GCC2: variants seen among roughly 807,000 people sequenced by gnomAD.
GCC2 encodes the protein GRIP and coiled-coil domain-containing protein 2.
GCC2 carries 120 observed loss-of-function variants against 210.6 expected under a neutral mutation model. The ratio of observed to expected loss-of-function variants is 0.57; its 90% confidence interval spans 0.49 to 0.66. The LOEUF (loss-of-function observed/expected upper bound fraction) is 0.66. Ranked by LOEUF, GCC2 falls within the 30% of genes least tolerant of loss-of-function variation. GCC2 has a pLI of 0.00. For missense variants in GCC2, 1,868 were observed against 1,871.9 expected (o/e 1.00, Z 0.04); for synonymous variants, 703 against 652.7 (o/e 1.08, Z -1.17).
intron 17 of GCC2, 139 bp downstream of exon 17, chr2:108,487,959 T>G: frequency 1.2e-6 from 1 of 803,390 alleles, no homozygotes; most frequent in East Asian, 3.2e-5. Context: ...CAGGCTGGAG[T>G]GCAGTGGTGC....
intron 17 of GCC2, among the ~76,000 whole-genome samples, chr2:108,488,321 A>C (rs1682245644): frequency 6.6e-6 from 1 of 152,194 alleles, no homozygotes; most frequent in African/African-American, 2.4e-5. Context: ...CATTACAAAG[A>C]ACACTGTTGC....
At position 108,482,358 on chromosome 2, in the gene GCC2, ATTAGAAGTACAGATT is replaced by A; in HGVS notation, c.3261_3275del (p.Ile1089_Gln1093del). ...AGACATTACAGTCTAATGCCAAATTATTAGAAGTACAGATTTTAGAAGTCCAGAGAGCCAAAGCAA... is the reference window on the plus strand; with the variant it reads ...AGACATTACAGTCTAATGCCAAATTATTAGAAGTCCAGAGAGCCAAAGCAA... On this transcript the variant is annotated inframe_deletion, in exon 11 of 23. Coordinates refer to ENST00000309863, the MANE Select transcript of GCC2 (RefSeq NM_181453.4). 1 of 1,580,342 alleles carries A rather than the reference ATTAGAAGTACAGATT, an allele frequency of 6.3e-7. No homozygotes were observed.
intron 20 of GCC2, 65 bp from the exon 21 acceptor site, chr2:108,496,905 T>A: frequency 6.2e-7 from 1 of 1,600,002 alleles, no homozygotes; most frequent in East Asian, 2.2e-5. Context: ...TAGATTTTTC[T>A]TATTTAGAAT....
intron 4 of GCC2, among the ~76,000 whole-genome samples, chr2:108,458,340 A>G (rs944049946): frequency 1.5e-5 from 2 of 134,100 alleles, no homozygotes; most frequent in Non-Finnish European, 3.2e-5. Flanking sequence ...GGATTTTTGC[A>G]TTGGTGTTCA....
intron 9 of GCC2, among the ~76,000 whole-genome samples, chr2:108,477,162 A>T (rs1006844613): frequency 1.3e-5 from 2 of 152,074 alleles, no homozygotes; most frequent in Admixed American, 1.3e-4. Context: ...ATTTTTTTTT[A>T]AATGAAAAGA....
chr2:108,454,728 C>T (rs1013965524), intron 4 of GCC2, among the ~76,000 whole-genome samples: 1 of 152,042 alleles, frequency 6.6e-6, no homozygotes, highest in Non-Finnish European at 1.5e-5. Flanking sequence ...TGTAGAACAG[C>T]GATAATAATA....
intron 4 of GCC2, among the ~76,000 whole-genome samples, chr2:108,458,481 G>C (rs542291297): frequency 1.3e-5 from 2 of 149,118 alleles, no homozygotes; most frequent in South Asian, 4.3e-4. Flanking sequence ...CAGTATTTTG[G>C]AGTAGTTTCA....
intron 13 of GCC2, among the ~76,000 whole-genome samples, 158 bp from the exon 14 acceptor site, chr2:108,485,478 A>G (rs888903634): frequency 3.3e-5 from 5 of 152,132 alleles, no homozygotes; most frequent in Non-Finnish European, 1.5e-5. Flanking sequence ...AGTTTATGGC[A>G]CTGTTGTTAC....
intron 3 of GCC2, 51 bp from the exon 4 acceptor site, chr2:108,452,348 A>G: frequency 1.1e-6 from 1 of 931,500 alleles, no homozygotes; most frequent in Middle Eastern, 2.4e-4. Context: ...GTTTCCCAGT[A>G]ATTATGTTCT....
intron 3 of GCC2, 101 bp downstream of exon 3, chr2:108,451,213 C>T (rs1181580801): frequency 7.2e-6 from 5 of 695,988 alleles, no homozygotes; most frequent in African/African-American, 1.8e-5. Flanking sequence ...GTTTGTTTTC[C>T]AGTGATTCCA....
At chr2:108,501,081 C>T (rs1447691145) in intron 22 of GCC2, among the ~76,000 whole-genome samples, 25 of 152,034 alleles carry the variant, frequency 1.6e-4, no homozygotes, top group African/African-American at 4.6e-4. Flanking sequence ...CTGCAACCTC[C>T]GCCTCCCAGA....
chr2:108,475,664 C>G (rs377000190), intron 8 of GCC2, 29 bp downstream of exon 8: 1 of 1,459,098 alleles, frequency 6.9e-7, no homozygotes, highest in Admixed American at 2.1e-5. Flanking sequence ...TGTAAGATTC[C>G]GGAATCTCAC....
In GCC2 at chr2:108,471,273, A is replaced by G. The variant is rs1483560293; in HGVS notation, c.1944A>G (p.Leu648=). 2 of 1,610,360 alleles carry G rather than the reference A, an allele frequency of 1.2e-6. No individual in the cohort carries two copies. Among genetic ancestry groups the G allele is most frequent in the African/African-American group, 2.7e-5 (2 of 74,626 alleles). The change falls in exon 6 of 23, where the codon TTA becomes TTG. Residue 648 remains leucine (L), a synonymous_variant. Coordinates refer to ENST00000309863, the MANE Select transcript of GCC2 (RefSeq NM_181453.4). ...AACTAGAACAAAAGGTAAATGAATT[A>G]ACAGGAGGACTAGAGGAGACTTTAA... ...NSELEQKVNE[L]TGGLEETLKE...
At chr2:108,454,752 G>A (rs905732497) in intron 4 of GCC2, among the ~76,000 whole-genome samples, 15 of 152,122 alleles carry the variant, frequency 9.9e-5, no homozygotes, top group African/African-American at 3.6e-4. Context: ...TCTGTTTGTA[G>A]GATTGAGGTA....
At chr2:108,472,189 T>A in intron 6 of GCC2, 73 bp downstream of exon 6, 1 of 1,072,418 alleles carries the variant, frequency 9.3e-7, no homozygotes, top group Non-Finnish European at 1.3e-6. Flanking sequence ...GTTAAACATT[T>A]TTACACCTTG....
chr2:108,492,092 A>G (rs1682428510), intron 18 of GCC2, among the ~76,000 whole-genome samples: 2 of 151,548 alleles, frequency 1.3e-5, no homozygotes, highest in South Asian at 4.1e-4. Context: ...TCAACTCAAA[A>G]ATGGATACTT....
At chr2:108,466,064 G>T (rs113400222) in intron 4 of GCC2, among the ~76,000 whole-genome samples, 1 of 152,156 alleles carries the variant, frequency 6.6e-6, no homozygotes, top group African/African-American at 2.4e-5. Context: ...TTAATATGTT[G>T]GCCATTTTTA....
chr2:108,482,849 C>T (rs948476042), intron 11 of GCC2, among the ~76,000 whole-genome samples: 1 of 151,832 alleles, frequency 6.6e-6, no homozygotes, highest in Non-Finnish European at 1.5e-5. Context: ...GCTAATTTTC[C>T]GTGTGTATTT....
At chr2:108,451,908 A>G (rs1188722085) in intron 3 of GCC2, among the ~76,000 whole-genome samples, 2 of 147,894 alleles carry the variant, frequency 1.4e-5, no homozygotes, top group African/African-American at 5.0e-5. Context: ...CAGTGGCGCA[A>G]TCTCGGCTTA....
Sources: gnomAD v4.1 joint callset for allele counts (sites outside exome capture counted in the v4.1 genomes callset) on GRCh38, gnomAD v4.1.1 for gene constraint, MANE v1.5 for transcripts, NCBI Gene and HGNC (gene_info 2026-07-23, HGNC 2026-07-21) for gene names.